STK35: variants seen among roughly 807,000 people sequenced by gnomAD.
The protein encoded by STK35 is serine/threonine kinase 35.
Under a neutral mutation model 37.3 loss-of-function variants are expected in STK35, and 17 were observed. The ratio of observed to expected loss-of-function variants is 0.46; its 90% CI spans 0.31 to 0.68. The LOEUF (loss-of-function observed/expected upper bound fraction) is 0.68. STK35 is among the 30% of genes least tolerant of loss of function. The pLI is 0.05. For missense variants in STK35, 595 were observed against 746.7 expected, an observed-to-expected ratio of 0.80 and a Z score of 2.37; for synonymous variants, 385 against 319.1, an observed-to-expected ratio of 1.21 and a Z score of -2.20.
At position 2,130,257 on chromosome 20, in the gene STK35, G is replaced by GATCCAAA. The variant is rs1985976270; in HGVS notation, c.*37+12843_*37+12844insTCCAAAA. Reference sequence around the variant, plus strand: ...CCCGTTTATCTGGGTCTTCTGAGAGGACTGTTGGATCTCAGTTTTGCTGCG... The same window carrying GATCCAAA: ...CCCGTTTATCTGGGTCTTCTGAGAGGATCCAAAACTGTTGGATCTCAGTTTTGCTGCG... On this transcript the variant is annotated intron_variant, in intron 3 of 3. Transcript: ENST00000381482. Among the ~76,000 whole-genome samples the GATCCAAA allele has an allele frequency of 8.5e-5, 13 of 152,278 alleles. No homozygotes were observed. The South Asian group carries it at 2.7e-3, about 32-fold the overall frequency.
intron 2 of STK35, among the ~76,000 whole-genome samples, chr20:2,112,379 C>T (rs1985636092): frequency 6.6e-6 from 1 of 152,226 alleles, no homozygotes. Flanking sequence ...AGCATCTTCT[C>T]TCCCTGTGGA....
chr20:2,118,546 C>T (rs1985760257), intron 3 of STK35, among the ~76,000 whole-genome samples: 1 of 151,838 alleles, frequency 6.6e-6, no homozygotes, highest in Non-Finnish European at 1.5e-5. Flanking sequence ...CGTGCCACTG[C>T]ACTCCAGCCT....
At chr20:2,125,228 C>T (rs1021886966) in intron 3 of STK35, among the ~76,000 whole-genome samples, 3 of 152,126 alleles carry the variant, frequency 2.0e-5, no homozygotes, top group Non-Finnish European at 4.4e-5. Context: ...TTCCTCTTAC[C>T]CCAGGGACGC....
chr20:2,126,271 T>TTTAGA (rs1985904918), intron 3 of STK35, among the ~76,000 whole-genome samples: 1 of 152,124 alleles, frequency 6.6e-6, no homozygotes, highest in Non-Finnish European at 1.5e-5. Flanking sequence ...CCCAATATGG[T>TTTAGA]CTCCTAGGAA....
chr20:2,136,727 G>C (rs1444189882), intron 3 of STK35, among the ~76,000 whole-genome samples: 1 of 152,238 alleles, frequency 6.6e-6, no homozygotes, highest in Non-Finnish European at 1.5e-5. Flanking sequence ...CAGCACTGCT[G>C]CTTGGTCACC....
rs1485529307 is a variant in STK35, at chr20:2,145,444, G to A, written c.*1698G>A. 6.6e-6 allele frequency: 1 copy of A among 152,022 alleles called. No individual in the cohort carries two copies. The highest frequency in any genetic ancestry group is 2.4e-5 in the African/African-American group (1 of 41,374). 9.4% of individuals were successfully genotyped at this position (152,022 alleles called of 1,614,324 possible). ...GGCAGCAGGGGCTTTTACCTGCTAAGCGGCAATCCTTTGGCCCTGAGAATT... is the reference window on the plus strand; with the variant it reads ...GGCAGCAGGGGCTTTTACCTGCTAAACGGCAATCCTTTGGCCCTGAGAATT... On this transcript the variant is annotated 3_prime_UTR_variant, in exon 4 of 4. Transcript: ENST00000381482.
chr20:2,115,866 C>G (rs1480938511), intron 2 of STK35, among the ~76,000 whole-genome samples: 1 of 149,762 alleles, frequency 6.7e-6, no homozygotes, highest in African/African-American at 2.5e-5. Context: ...GTCCTGCCCC[C>G]TCTGACACCT....
chr20:2,103,383 C>T lies in STK35; in HGVS notation c.892+18C>T, dbSNP rs185142524. The stretch of plus-strand genomic sequence containing the variant: ...GCTGAAAGGTAGGAGCACCGCGGGC[C>T]TTTCCACCCACGCAGGGCCTGGACC... On this transcript the variant is annotated intron_variant, in intron 2 of 3. Coordinates refer to ENST00000381482, the MANE Select transcript of STK35 (RefSeq NM_080836.4). 5.4e-5 allele frequency: 87 copies of T among 1,601,802 alleles called. No individual in the cohort carries two copies. The African/African-American group carries it at 9.4e-4, about 17-fold the overall frequency.
intron 3 of STK35, among the ~76,000 whole-genome samples, chr20:2,142,298 AACAG>A (rs1986184114): frequency 9.6e-6 from 1 of 104,276 alleles, no homozygotes; most frequent in Non-Finnish European, 1.9e-5. Context: ...AACTGAGGCC[AACAG>A]ACAGTAAATT....
intron 3 of STK35, among the ~76,000 whole-genome samples, chr20:2,121,696 C>T (rs527834462): frequency 6.6e-6 from 1 of 151,906 alleles, no homozygotes; most frequent in East Asian, 1.9e-4. Context: ...GGTGGTGCAA[C>T]ATTGAGGATG....
At position 2,129,547 on chromosome 20, in the gene STK35, G is replaced by A. The variant is rs550048847; in HGVS notation, c.*37+12132G>A. ...AAAACATGCATGCCCAAGGGGACCC[G>A]TTAATTTTTTGATCAACTGTGTGTT... is the stretch of plus-strand genomic sequence containing the variant. On this transcript the variant is annotated intron_variant, in intron 3 of 3. Coordinates refer to ENST00000381482, the MANE Select transcript of STK35 (RefSeq NM_080836.4). 7.9e-5 allele frequency among the ~76,000 whole-genome samples: 12 copies of A among 152,190 alleles called. No homozygotes were observed. In the East Asian group the frequency reaches 2.1e-3, roughly 27 times the overall value.
Position 2,103,309 on chromosome 20 carries a change from G to A in STK35, c.836G>A (p.Ser279Asn). 1 of 1,612,982 alleles carries A rather than the reference G, an allele frequency of 6.2e-7. No individual in the cohort carries two copies. The highest frequency in any genetic ancestry group is 8.5e-7 in the Non-Finnish European group (1 of 1,179,748). The change falls in exon 2 of 4, where the codon AGT becomes AAT. Residue 279 changes from serine (S) to asparagine (N), a missense_variant. Around this residue, in one of 3 missense-constraint regions of STK35, gnomAD observed 97 missense variants for 146.4 expected, o/e 0.66. Coordinates refer to ENST00000381482, the MANE Select transcript of STK35 (RefSeq NM_080836.4). ...LQRNGLAQRM[S>N]HGNKSSQLYL... ...CGCAATGGGTTAGCCCAGCGCATGA[G>A]TCACGGCAACAAGAGCTCGCAGCTT...
chr20:2,124,325 G>C (rs563848544), intron 3 of STK35, among the ~76,000 whole-genome samples: 12 of 152,242 alleles, frequency 7.9e-5, no homozygotes, highest in African/African-American at 2.9e-4. Flanking sequence ...AAGCAAGGAA[G>C]GTTCTTCCTT....
At chr20:2,102,216 T>A (rs1185112711) in intron 1 of STK35, 41 bp downstream of exon 1, 81 of 1,366,336 alleles carry the variant, frequency 5.9e-5, no homozygotes, top group Non-Finnish European at 7.4e-5. Flanking sequence ...GCGCCGAGGC[T>A]GGAGTTACTG....
intron 2 of STK35, among the ~76,000 whole-genome samples, chr20:2,108,533 C>G (rs1467187764): frequency 6.6e-6 from 1 of 152,024 alleles, no homozygotes; most frequent in Non-Finnish European, 1.5e-5. Flanking sequence ...AAACTAATGG[C>G]TCCTCTTTGT....
chr20:2,131,676 A>C (rs1986002606), intron 3 of STK35, among the ~76,000 whole-genome samples: 1 of 152,042 alleles, frequency 6.6e-6, no homozygotes, highest in Non-Finnish European at 1.5e-5. Context: ...TTGCTTTCTA[A>C]ACTTAAAATT....
chr20:2,102,449 T>A (rs1376046217), intron 1 of STK35, among the ~76,000 whole-genome samples: 1 of 152,176 alleles, frequency 6.6e-6, no homozygotes, highest in African/African-American at 2.4e-5. Flanking sequence ...GAAAAATATT[T>A]CCGCCGGCCA....
At chr20:2,132,605 G>A (rs1986019493) in intron 3 of STK35, among the ~76,000 whole-genome samples, 1 of 152,244 alleles carries the variant, frequency 6.6e-6, no homozygotes, top group South Asian at 2.1e-4. Flanking sequence ...CCCCCAGGAG[G>A]GGAAGATGAA....
chr20:2,115,153 G>A (rs548101267), intron 2 of STK35, among the ~76,000 whole-genome samples: 11 of 152,196 alleles, frequency 7.2e-5, no homozygotes, highest in Admixed American at 2.6e-4. Flanking sequence ...TACAAGGGAA[G>A]TGAGGGCTAT....
Sources: allele counts gnomAD v4.1 joint callset (sites outside exome capture counted in the v4.1 genomes callset), GRCh38; gene constraint gnomAD v4.1.1; regional missense constraint gnomAD v4.1.1; transcripts MANE v1.5; gene names NCBI Gene and HGNC (gene_info 2026-07-23, HGNC 2026-07-21).